Variants in PLEKHO2 observed in about 807,000 individuals in gnomAD.
The protein encoded by PLEKHO2 is pleckstrin homology domain containing O2.
A neutral mutation model predicts 32.7 loss-of-function variants in PLEKHO2; 20 were observed. The observed-to-expected ratio is 0.61, with a 90% confidence interval of 0.43 to 0.89. The LOEUF (loss-of-function observed/expected upper bound fraction) is 0.89. PLEKHO2 is among the 40% of genes least tolerant of loss of function. The pLI is 0.00. For missense variants in PLEKHO2, 568 were observed against 621.2 expected (o/e 0.91, Z 0.91); for synonymous variants, 247 against 246.3 (o/e 1.00, Z -0.03).
chr15:64,843,122 C>T (rs1227448325), intron 1 of PLEKHO2, among the ~76,000 whole-genome samples: 1 of 152,218 alleles, frequency 6.6e-6, no homozygotes, highest in African/African-American at 2.4e-5. Context: ...CCACCTCCCA[C>T]TTTTCCAGGG....
At chr15:64,842,431 T>A (rs1006834998) in intron 1 of PLEKHO2, among the ~76,000 whole-genome samples, 2 of 149,376 alleles carry the variant, frequency 1.3e-5, no homozygotes, top group Admixed American at 1.3e-4. Context: ...TGTCGGATCC[T>A]GACTGTGTGT....
At position 64,865,252 on chromosome 15, in the gene PLEKHO2, C is replaced by G. The variant is rs992928111; in HGVS notation, c.837C>G (p.Pro279=). The stretch of plus-strand genomic sequence containing the variant: ...AGGTGAGCTGGGAGAACCCCAGCCC[C>G]CAGGAGGCCCCTGCTGCAGAGAGTG... ...KLKVSWENPS[P]QEAPAAESAE... Residue 279 remains proline, a synonymous_variant, in exon 6 of 6, where the codon CCC becomes CCG. Coordinates refer to ENST00000323544, the MANE Select transcript of PLEKHO2 (RefSeq NM_025201.5). The G allele has an allele frequency of 8.7e-6, 14 of 1,613,916 alleles. No homozygotes were observed. The Admixed American group carries it at 2.0e-4, about 23-fold the overall frequency.
At chr15:64,847,864 A>G (rs1338544452) in intron 1 of PLEKHO2, among the ~76,000 whole-genome samples, 1 of 152,114 alleles carries the variant, frequency 6.6e-6, no homozygotes, top group East Asian at 1.9e-4. Flanking sequence ...GGGGCTGCAG[A>G]GTGGGTTCTC....
intron 1 of PLEKHO2, among the ~76,000 whole-genome samples, chr15:64,847,253 G>C (rs950415115): frequency 6.6e-6 from 1 of 152,206 alleles, no homozygotes; most frequent in African/African-American, 2.4e-5. Flanking sequence ...ACATCTGTCT[G>C]GGCTTGTTCT....
At chr15:64,856,030 G>A (rs1370779373) in intron 3 of PLEKHO2, among the ~76,000 whole-genome samples, 1 of 152,142 alleles carries the variant, frequency 6.6e-6, no homozygotes, top group Non-Finnish European at 1.5e-5. Context: ...CAGTGGAGGG[G>A]GCTGTGGAGC....
rs1567099627 is a variant in PLEKHO2, at chr15:64,866,252, A to C, written c.*364A>C. 1 of 460,232 alleles carries C rather than the reference A, an allele frequency of 2.2e-6. No homozygotes were observed. The highest frequency in any genetic ancestry group is 4.3e-6 in the Non-Finnish European group (1 of 231,794). 28.5% of individuals were successfully genotyped at this position (460,232 alleles called of 1,614,324 possible). ...GACATCATCTCTGTTCCCCATCCCC[A>C]GTAGTTTACATTCCTGACTTCTGAA... is the stretch of plus-strand genomic sequence containing the variant. On this transcript the variant is annotated 3_prime_UTR_variant, in exon 6 of 6. Coordinates refer to ENST00000323544, the MANE Select transcript of PLEKHO2 (RefSeq NM_025201.5).
Position 64,866,110 on chromosome 15 carries a change from G to A in PLEKHO2, c.*222G>A. On this transcript the variant is annotated 3_prime_UTR_variant, in exon 6 of 6. Transcript: ENST00000323544. ...CCCAGGGCTACTGCCTGGCTATCTGGCCTGGCCTCTGGGCTGGGGCTGGGG... is the reference window on the plus strand; with the variant it reads ...CCCAGGGCTACTGCCTGGCTATCTGACCTGGCCTCTGGGCTGGGGCTGGGG... 1 of 636,602 alleles carries A rather than the reference G, an allele frequency of 1.6e-6. No individual in the cohort carries two copies. The highest frequency in any genetic ancestry group is 2.7e-6 in the Non-Finnish European group (1 of 373,654). 39.4% of individuals were successfully genotyped at this position (636,602 alleles called of 1,614,324 possible).
rs2084542813 is a variant in PLEKHO2 at position 64,848,747 on chromosome 15, G to A, written c.162+5G>A. 1.2e-6 allele frequency: 2 copies of A among 1,613,908 alleles called. No homozygotes were observed. The highest frequency in any genetic ancestry group is 1.7e-6 in the Non-Finnish European group (2 of 1,179,976). ...CTGCTGGTCTATGAGAATGAGGTGA[G>A]GACCTGCTTGGCCCTGAGATTGGGG... On this transcript the variant is annotated splice_donor_5th_base_variant and intron_variant, in intron 2 of 5. Transcript: ENST00000323544.
chr15:64,858,254 T>G (rs979106898), intron 3 of PLEKHO2, among the ~76,000 whole-genome samples: 3 of 152,182 alleles, frequency 2.0e-5, no homozygotes, highest in Middle Eastern at 3.4e-3. Context: ...CCTGGCATGG[T>G]GGGGGTGGGA....
At chr15:64,864,063 A>G (rs1225915084) in intron 5 of PLEKHO2, among the ~76,000 whole-genome samples, 1 of 152,150 alleles carries the variant, frequency 6.6e-6, no homozygotes, top group Non-Finnish European at 1.5e-5. Context: ...CTTAAGAAAA[A>G]TAAGGTGGCA....
At chr15:64,848,913 GATA>G (rs1163749023) in intron 2 of PLEKHO2, among the ~76,000 whole-genome samples, 171 bp downstream of exon 2, 2 of 152,150 alleles carry the variant, frequency 1.3e-5, no homozygotes, top group African/African-American at 4.8e-5. Flanking sequence ...TGTATATGGG[GATA>G]ATACCTCCGA....
intron 1 of PLEKHO2, among the ~76,000 whole-genome samples, chr15:64,843,981 C>G (rs2084505016): frequency 6.6e-6 from 1 of 152,192 alleles, no homozygotes; most frequent in African/African-American, 2.4e-5. Context: ...GCCTCACCCC[C>G]ACAGCAGGGG....
intron 1 of PLEKHO2, among the ~76,000 whole-genome samples, chr15:64,844,743 T>A (rs1567094576): frequency 6.6e-6 from 1 of 152,180 alleles, no homozygotes. Flanking sequence ...GACCAAGGCG[T>A]GTGTCTCTTC....
At chr15:64,845,861 G>A (rs2084518091) in intron 1 of PLEKHO2, among the ~76,000 whole-genome samples, 1 of 152,162 alleles carries the variant, frequency 6.6e-6, no homozygotes, top group Admixed American at 6.5e-5. Context: ...AGATCCCTTG[G>A]GGTGGTGGGT....
intron 3 of PLEKHO2, among the ~76,000 whole-genome samples, chr15:64,858,901 T>C (rs576063490): frequency 2.6e-5 from 4 of 152,314 alleles, no homozygotes; most frequent in Admixed American, 2.6e-4. Flanking sequence ...ACTAAAACTC[T>C]ATGCCCATTA....
At chr15:64,857,076 G>C (rs2084610931) in intron 3 of PLEKHO2, among the ~76,000 whole-genome samples, 1 of 152,214 alleles carries the variant, frequency 6.6e-6, no homozygotes, top group African/African-American at 2.4e-5. Flanking sequence ...GCCACTGCTG[G>C]GCCTTGCTGC....
At chr15:64,857,557 C>A (rs951972003) in intron 3 of PLEKHO2, among the ~76,000 whole-genome samples, 1 of 152,092 alleles carries the variant, frequency 6.6e-6, no homozygotes, top group African/African-American at 2.4e-5. Flanking sequence ...CTGGTAACTT[C>A]TTGGTATTCT....
At chr15:64,847,774 G>A (rs1335083664) in intron 1 of PLEKHO2, among the ~76,000 whole-genome samples, 1 of 152,200 alleles carries the variant, frequency 6.6e-6, no homozygotes, top group African/African-American at 2.4e-5. Flanking sequence ...ACCCTCACCA[G>A]ATGTGGTGGC....
chr15:64,866,683 A>G lies in PLEKHO2; in HGVS notation c.*795A>G. 4.5e-6 allele frequency: 1 copy of G among 223,416 alleles called. No individual in the cohort carries two copies. The highest frequency in any genetic ancestry group is 1.2e-4 in the East Asian group (1 of 8,046). 13.8% of individuals were successfully genotyped at this position (223,416 alleles called of 1,614,324 possible). A position where few individuals can be genotyped will look rare whatever the true frequency, so the allele number is the denominator to read the frequency against. On this transcript the variant is annotated 3_prime_UTR_variant, in exon 6 of 6. Coordinates refer to ENST00000323544, the MANE Select transcript of PLEKHO2 (RefSeq NM_025201.5). ...GCCCCTGGATAGTGTCCAGCCTTGTATATTTCTGAAGAGGTGGATCCCAGA... is the reference window on the plus strand; with the variant it reads ...GCCCCTGGATAGTGTCCAGCCTTGTGTATTTCTGAAGAGGTGGATCCCAGA...
Sources: gnomAD v4.1 joint callset for allele counts (sites outside exome capture counted in the v4.1 genomes callset) on GRCh38, gnomAD v4.1.1 for gene constraint, MANE v1.5 for transcripts, NCBI Gene and HGNC (gene_info 2026-07-23, HGNC 2026-07-21) for gene names.